The following SEMA3D variants were observed in gnomAD, a reference collection of about 807,000 sequenced individuals.
SEMA3D encodes the protein semaphorin-3D.
In SEMA3D, 84 loss-of-function variants were observed where a neutral mutation model predicts 100.1. The ratio of observed to expected loss-of-function variants is 0.84; its 90% CI spans 0.70 to 1.01. The LOEUF (loss-of-function observed/expected upper bound fraction) is 1.01. SEMA3D is among the 50% of genes least tolerant of loss of function. The pLI, the probability that SEMA3D is intolerant of heterozygous loss-of-function variation, is 0.00. For missense variants in SEMA3D, 875 were observed against 934.1 expected (o/e 0.94, Z 0.82); for synonymous variants, 312 against 320.7 (o/e 0.97, Z 0.29).
At chr7:85,038,071 C>A (rs62472151) in intron 11 of SEMA3D, among the ~76,000 whole-genome samples, 1 of 137,220 alleles carries the variant, frequency 7.3e-6, no homozygotes, top group Admixed American at 7.4e-5. Context: ...GGGGGAGGGA[C>A]AGCATCTGGA....
At chr7:85,047,655 A>G (rs1791046837) in intron 9 of SEMA3D, among the ~76,000 whole-genome samples, 1 of 151,954 alleles carries the variant, frequency 6.6e-6, no homozygotes, top group African/African-American at 2.4e-5. Context: ...ACTCTCCAAG[A>G]CATTTGAAAA....
the SEMA3D span, among the ~76,000 whole-genome samples, chr7:85,225,066 AT>A: frequency 4.0e-4 from 2 of 4,960 alleles, no homozygotes; most frequent in Admixed American, 2.4e-3. Flanking sequence ...ATATATATAT[AT>A]ATATATATAT....
the SEMA3D span, among the ~76,000 whole-genome samples, chr7:85,214,960 G>T: frequency 4.6e-5 from 7 of 152,048 alleles, no homozygotes; most frequent in African/African-American, 1.4e-4. Context: ...CCTATAGAAA[G>T]AGTAGGAAAA....
chr7:85,160,765 A>G (rs1790724784), intron 1 of SEMA3D, among the ~76,000 whole-genome samples: 1 of 152,180 alleles, frequency 6.6e-6, no homozygotes, highest in Non-Finnish European at 1.5e-5. Context: ...TTTCTGATGG[A>G]AGATTAAAGC....
intron 2 of SEMA3D, among the ~76,000 whole-genome samples, chr7:85,128,578 A>C (rs2116425588): frequency 6.6e-6 from 1 of 152,176 alleles, no homozygotes; most frequent in East Asian, 1.9e-4. Context: ...CAAATATCCA[A>C]AAATTTTAAT....
intron 12 of SEMA3D, among the ~76,000 whole-genome samples, chr7:85,023,420 T>C (rs1790309421): frequency 6.6e-6 from 1 of 151,896 alleles, no homozygotes; most frequent in Non-Finnish European, 1.5e-5. Context: ...CTATTTTATG[T>C]TTAAACATAT....
At chr7:85,020,709 A>G (rs1302379357) in intron 13 of SEMA3D, among the ~76,000 whole-genome samples, 1 of 151,570 alleles carries the variant, frequency 6.6e-6, no homozygotes, top group African/African-American at 2.4e-5. Context: ...CATGTAATAT[A>G]TATTTATTAA....
At chr7:85,216,321 A>T in the SEMA3D span, among the ~76,000 whole-genome samples, 2 of 151,698 alleles carry the variant, frequency 1.3e-5, no homozygotes, top group African/African-American at 4.8e-5. Flanking sequence ...ATGAAAAAAC[A>T]AGTGACCAGT....
the SEMA3D span, among the ~76,000 whole-genome samples, chr7:85,207,728 G>A: frequency 6.6e-6 from 1 of 151,906 alleles, no homozygotes; most frequent in South Asian, 2.1e-4. Flanking sequence ...ATATAAATTA[G>A]AGCAATCATG....
chr7:85,217,276 T>G, the SEMA3D span, among the ~76,000 whole-genome samples: 1 of 152,064 alleles, frequency 6.6e-6, no homozygotes, highest in African/African-American at 2.4e-5. Context: ...GATAGCTGCA[T>G]ATGCCTGTTT....
chr7:85,207,000 C>A, the SEMA3D span, among the ~76,000 whole-genome samples: 21 of 152,100 alleles, frequency 1.4e-4, no homozygotes, highest in African/African-American at 5.1e-4. Flanking sequence ...AGGATTTGAT[C>A]TCAGAAAACT....
chr7:85,195,500 T>C, the SEMA3D span, among the ~76,000 whole-genome samples: 1 of 152,118 alleles, frequency 6.6e-6, no homozygotes, highest in East Asian at 1.9e-4. Context: ...AGGCTAGAGC[T>C]AGAGTGCAGT....
At chr7:85,218,473 T>C in the SEMA3D span, among the ~76,000 whole-genome samples, 1 of 152,182 alleles carries the variant, frequency 6.6e-6, no homozygotes, top group African/African-American at 2.4e-5. Context: ...CTTGAAAATT[T>C]TGGGTATTTT....
chr7:85,037,032 AGCTG>A lies in SEMA3D; in HGVS notation c.1047-3_1047del. ...CAAACAGCAGAGCCTTTGAAGATGGAGCTGGAAAAAAAAAGCATCATCATTCAAT... is the reference window on the plus strand; with the variant it reads ...CAAACAGCAGAGCCTTTGAAGATGGAGAAAAAAAAAGCATCATCATTCAAT... On this transcript the variant is annotated splice_acceptor_variant and splice_polypyrimidine_tract_variant and coding_sequence_variant and intron_variant, in exon 12 of 19. Transcript: ENST00000284136. LOFTEE classifies it high-confidence loss of function. 1.2e-6 allele frequency: 2 copies of A among 1,609,658 alleles called. No individual in the cohort carries two copies. Among genetic ancestry groups the A allele is most frequent in the African/African-American group, 1.3e-5 (1 of 74,750 alleles).
At chr7:85,059,218 T>C (rs930230561) in intron 8 of SEMA3D, among the ~76,000 whole-genome samples, 2 of 152,102 alleles carry the variant, frequency 1.3e-5, no homozygotes, top group African/African-American at 4.8e-5. Flanking sequence ...AATACAAAAA[T>C]AAATAAAACC....
Position 85,042,268 on chromosome 7 carries a change from T to G in SEMA3D, c.879A>C (p.Gln293His), listed in dbSNP as rs200879004. ...GRVCKNDVGG[Q>H]RSLINKWTTF... is the part of the protein sequence containing the mutation. ...TCGTCCACTTGTTTATCAGGCTGCG[T>G]TGTCCTCCTACATCATTCTGACATG... The change falls in exon 10 of 19, where the codon CAA becomes CAC. Residue 293 changes from glutamine to histidine, a missense_variant. Gln to His is a conservative substitution (Grantham distance 24). Coordinates refer to ENST00000284136, the MANE Select transcript of SEMA3D (RefSeq NM_001384900.1). The G allele has an allele frequency of 6.2e-7, 1 of 1,611,598 alleles. No homozygotes were observed. The highest frequency in any genetic ancestry group is 8.5e-7 in the Non-Finnish European group (1 of 1,177,840).
At chr7:85,242,322 C>T in the SEMA3D span, among the ~76,000 whole-genome samples, 20 of 152,094 alleles carry the variant, frequency 1.3e-4, no homozygotes, top group African/African-American at 2.4e-5. Context: ...AAATTGTACT[C>T]TCATCACTGC....
chr7:85,018,960 G>C (rs1210075434), intron 14 of SEMA3D, among the ~76,000 whole-genome samples: 1 of 151,590 alleles, frequency 6.6e-6, no homozygotes, highest in Non-Finnish European at 1.5e-5. Flanking sequence ...TTTAGCACCA[G>C]CTCATATTTG....
intron 1 of SEMA3D, among the ~76,000 whole-genome samples, chr7:85,182,999 G>T (rs1050384962): frequency 1.3e-5 from 2 of 152,158 alleles, no homozygotes; most frequent in South Asian, 4.2e-4. Context: ...CGCCCAGACA[G>T]AACAGCAAAG....
Sources: allele counts gnomAD v4.1 joint callset (sites outside exome capture counted in the v4.1 genomes callset), GRCh38; gene constraint gnomAD v4.1.1; transcripts MANE v1.5; gene names NCBI Gene and HGNC (gene_info 2026-07-23, HGNC 2026-07-21).